Variants in PIP5K1B observed in about 807,000 individuals in gnomAD.
PIP5K1B encodes phosphatidylinositol-4-phosphate 5-kinase type 1 beta, also known as phosphatidylinositol 4-phosphate 5-kinase type-1 beta.
PIP5K1B carries 42 observed loss-of-function variants against 67.0 expected under a neutral mutation model. The observed-to-expected ratio is 0.63, with a 90% confidence interval of 0.49 to 0.81. The LOEUF (loss-of-function observed/expected upper bound fraction) is 0.81. Among genes scored for constraint, PIP5K1B ranks in the 30% least tolerant of loss-of-function variants. The pLI is 0.00. For synonymous variants in PIP5K1B, 214 were observed against 231.4 expected (o/e 0.92, Z 0.68); for missense variants, 459 against 646.3 (o/e 0.71, Z 3.14).
At chr9:68,761,820 A>T (rs919371474) in intron 2 of PIP5K1B, among the ~76,000 whole-genome samples, 3 of 152,114 alleles carry the variant, frequency 2.0e-5, no homozygotes, top group African/African-American at 7.2e-5. Context: ...CTGATTAGCA[A>T]TCTTAACTTC....
intron 1 of PIP5K1B, among the ~76,000 whole-genome samples, chr9:68,725,716 C>T (rs557123039): frequency 6.6e-5 from 10 of 152,220 alleles, no homozygotes; most frequent in South Asian, 2.1e-4. Flanking sequence ...TAAAAAGAGA[C>T]GAACCCTGAA....
intron 14 of PIP5K1B, among the ~76,000 whole-genome samples, chr9:68,948,643 C>G (rs1827914036): frequency 1.0e-4 from 2 of 19,776 alleles, no homozygotes; most frequent in South Asian, 0.01. Context: ...GAGACCTTGC[C>G]TCAAAAAAAA....
chr9:68,871,444 C>T (rs182047683), intron 5 of PIP5K1B, among the ~76,000 whole-genome samples: 2 of 152,304 alleles, frequency 1.3e-5, no homozygotes, highest in Admixed American at 1.3e-4. Context: ...GCTAATGCTT[C>T]CTCAAGCTTC....
chr9:68,924,573 T>C (rs550205839), intron 12 of PIP5K1B, among the ~76,000 whole-genome samples: 2 of 152,160 alleles, frequency 1.3e-5, no homozygotes, highest in African/African-American at 2.4e-5. Flanking sequence ...TGATATTTAT[T>C]AAATTTTCTA....
In PIP5K1B at chr9:68,854,279, G is replaced by A. The variant is rs372357121; in HGVS notation, c.70-9558G>A. Among the ~76,000 whole-genome samples the A allele has an allele frequency of 5.9e-5, 9 of 151,878 alleles. No homozygotes were observed. In the East Asian group the frequency reaches 1.2e-3, roughly 20 times the overall value. On this transcript the variant is annotated intron_variant, in intron 4 of 15. Coordinates refer to ENST00000265382, the MANE Select transcript of PIP5K1B (RefSeq NM_003558.4). ...CTGAGTAACTGGGACTACAGGTGCC[G>A]CCACCATGCCTGACCAATTTTTTGA...
At chr9:68,840,764 A>C (rs10781227) in intron 4 of PIP5K1B, among the ~76,000 whole-genome samples, 52,037 of 152,064 alleles carry the variant, frequency 0.34, 9,117 homozygotes, top group East Asian at 0.51. Context: ...GTCTAGGACA[A>C]TCTCCCTAAC....
chr9:68,741,399 T>C (rs1214678572), intron 1 of PIP5K1B, among the ~76,000 whole-genome samples: 2 of 152,204 alleles, frequency 1.3e-5, no homozygotes, highest in East Asian at 1.9e-4. Flanking sequence ...CTTCTGAATG[T>C]GCTGTAAGTA....
At chr9:68,757,527 A>C (rs1409781032) in intron 2 of PIP5K1B, among the ~76,000 whole-genome samples, 1 of 152,130 alleles carries the variant, frequency 6.6e-6, no homozygotes, top group Non-Finnish European at 1.5e-5. Flanking sequence ...TTTCTCTCTG[A>C]AAGAGTCGGT....
intron 7 of PIP5K1B, among the ~76,000 whole-genome samples, chr9:68,891,424 C>A: frequency 6.7e-6 from 1 of 149,536 alleles, no homozygotes. Context: ...AATTAAAATT[C>A]TAAAAATTGG....
intron 1 of PIP5K1B, among the ~76,000 whole-genome samples, chr9:68,727,963 C>G (rs1828236889): frequency 6.6e-6 from 1 of 152,140 alleles, no homozygotes; most frequent in South Asian, 2.1e-4. Flanking sequence ...TAACACAGCT[C>G]TAGGTACTAG....
At chr9:68,955,679 G>A (rs1480345326) in intron 14 of PIP5K1B, among the ~76,000 whole-genome samples, 1 of 152,170 alleles carries the variant, frequency 6.6e-6, no homozygotes, top group Non-Finnish European at 1.5e-5. Flanking sequence ...CTGGCCTCGG[G>A]TTAAAATAAT....
intron 4 of PIP5K1B, among the ~76,000 whole-genome samples, chr9:68,852,360 G>A (rs1406106405): frequency 2.0e-5 from 3 of 150,726 alleles, no homozygotes; most frequent in African/African-American, 4.9e-5. Flanking sequence ...CGCCCCCCAA[G>A]CCATAAAAAG....
At chr9:68,836,534 C>T (rs1168999758) in intron 4 of PIP5K1B, among the ~76,000 whole-genome samples, 1 of 152,148 alleles carries the variant, frequency 6.6e-6, no homozygotes, top group Non-Finnish European at 1.5e-5. Context: ...GGTATGCCAA[C>T]TCAAGCTGCA....
intron 8 of PIP5K1B, among the ~76,000 whole-genome samples, chr9:68,905,066 G>A (rs1032579423): frequency 6.6e-6 from 1 of 152,036 alleles, no homozygotes; most frequent in African/African-American, 2.4e-5. Context: ...ACTACTTAGA[G>A]TTTCTGGCTT....
At chr9:68,887,718 C>A (rs909017170) in intron 6 of PIP5K1B, among the ~76,000 whole-genome samples, 3 of 152,082 alleles carry the variant, frequency 2.0e-5, no homozygotes, top group Admixed American at 6.6e-5. Context: ...AATGATGAAA[C>A]CTTTGAACTA....
Position 68,925,795 on chromosome 9 carries a change from A to ATTTTT in PIP5K1B, c.1201+2425_1201+2429dup, listed in dbSNP as rs71353094. Among the ~76,000 whole-genome samples the ATTTTT allele has an allele frequency of 9.9e-3, 727 of 73,238 alleles. 119 individuals are homozygous for ATTTTT. In the East Asian group the frequency reaches 0.15, roughly 15 times the overall value. 48.0% of individuals were successfully genotyped at this position (73,238 alleles called of 152,430 possible). A position where few individuals can be genotyped will look rare whatever the true frequency, so the allele number is the denominator to read the frequency against. On this transcript the variant is annotated intron_variant, in intron 12 of 15. Transcript: ENST00000265382. ...ACATGAATACCAGCTTGTGGTTCCA[A>ATTTTT]TTTTTTTTTTTTTTTTTTTTGAGAC...
chr9:68,780,240 A>AGCG (rs748999752), intron 2 of PIP5K1B: 7 of 1,542,736 alleles, frequency 4.5e-6, no homozygotes, highest in Non-Finnish European at 6.1e-6. Flanking sequence ...GGGCGGTGGC[A>AGCG]GCGGCGGCGG....
intron 4 of PIP5K1B, among the ~76,000 whole-genome samples, chr9:68,841,409 A>T (rs533747756): frequency 2.9e-3 from 443 of 152,374 alleles, no homozygotes; most frequent in Non-Finnish European, 5.1e-3. Flanking sequence ...ACAGAAGCAG[A>T]TCATGTTTAT....
At chr9:68,995,080 G>A (rs1373441520) in intron 15 of PIP5K1B, among the ~76,000 whole-genome samples, 3 of 151,906 alleles carry the variant, frequency 2.0e-5, no homozygotes, top group Non-Finnish European at 4.4e-5. Flanking sequence ...GGAGTCTGAG[G>A]TTGCAGTGAG....
Sources: allele counts gnomAD v4.1 joint callset (sites outside exome capture counted in the v4.1 genomes callset), GRCh38; gene constraint gnomAD v4.1.1; transcripts MANE v1.5; gene names NCBI Gene and HGNC (gene_info 2026-07-23, HGNC 2026-07-21).